The following ASXL2 variants were observed in gnomAD, a reference collection of about 807,000 sequenced individuals.
The protein encoded by ASXL2 is ASXL transcriptional regulator 2.
In ASXL2, 23 loss-of-function variants were observed where a neutral mutation model predicts 122.0. That is an observed-to-expected ratio of 0.19 (90% confidence interval 0.14 to 0.27). ASXL2 has a LOEUF of 0.27. Ranked by LOEUF, ASXL2 falls within the 10% of genes least tolerant of loss-of-function variation. The probability of loss-of-function intolerance (pLI) is 1.00; values close to 1 mark genes in which losing one functional copy is unlikely to be tolerated. For missense variants in ASXL2, 1,518 were observed against 1,713.8 expected (o/e 0.89, Z 2.02); for synonymous variants, 650 against 637.0 (o/e 1.02, Z -0.31).
At chr2:25,866,769 G>A (rs1455876107) in intron 1 of ASXL2, among the ~76,000 whole-genome samples, 1 of 152,110 alleles carries the variant, frequency 6.6e-6, no homozygotes, top group Non-Finnish European at 1.5e-5. Flanking sequence ...GTCTTGCTCT[G>A]TTGCCCAGGC....
chr2:25,845,618 CTATA>C (rs991814714), intron 1 of ASXL2, 55 bp from the exon 2 acceptor site: 2 of 789,846 alleles, frequency 2.5e-6, no homozygotes, highest in Admixed American at 4.1e-5. Context: ...TATTATAATT[CTATA>C]TATATTTCTT....
At chr2:25,747,515 G>T (rs1440585312) in intron 12 of ASXL2, among the ~76,000 whole-genome samples, 1 of 152,028 alleles carries the variant, frequency 6.6e-6, no homozygotes, top group Non-Finnish European at 1.5e-5. Context: ...GAAAGGAAAA[G>T]AACTGAAAAA....
At chr2:25,810,792 G>A (rs892264916) in intron 3 of ASXL2, 3 of 515,598 alleles carry the variant, frequency 5.8e-6, no homozygotes, top group South Asian at 3.5e-5. Flanking sequence ...TAAGTCACAA[G>A]AAGCTGAAAA....
intron 3 of ASXL2, among the ~76,000 whole-genome samples, chr2:25,807,947 C>A (rs1378301471): frequency 2.0e-5 from 3 of 147,398 alleles, no homozygotes; most frequent in Non-Finnish European, 4.5e-5. Context: ...CATGCCCAGC[C>A]CGGGGGTAAA....
chr2:25,787,528 C>T (rs78001485), intron 5 of ASXL2, among the ~76,000 whole-genome samples: 55 of 152,270 alleles, frequency 3.6e-4, no homozygotes, highest in Non-Finnish European at 6.5e-4. Flanking sequence ...AGAGGCTAAT[C>T]GCTTTGTTTA....
chr2:25,765,722 C>A (rs2088336048), intron 8 of ASXL2, among the ~76,000 whole-genome samples: 1 of 152,088 alleles, frequency 6.6e-6, no homozygotes. Flanking sequence ...CTCTACATTT[C>A]TTTTGCAATT....
At chr2:25,789,915 C>T (rs901734849) in intron 5 of ASXL2, among the ~76,000 whole-genome samples, 3 of 152,040 alleles carry the variant, frequency 2.0e-5, no homozygotes, top group Admixed American at 1.3e-4. Context: ...GGACCAGTAG[C>T]GATTTGGAGA....
At chr2:25,869,870 C>T (rs1467814040) in intron 1 of ASXL2, among the ~76,000 whole-genome samples, 3 of 148,094 alleles carry the variant, frequency 2.0e-5, no homozygotes, top group Non-Finnish European at 3.0e-5. Context: ...AATCAGGGAC[C>T]GATTTTTTTT....
chr2:25,815,379 A>G (rs904665656), intron 3 of ASXL2, among the ~76,000 whole-genome samples: 5 of 151,972 alleles, frequency 3.3e-5, no homozygotes, highest in Admixed American at 6.6e-5. Context: ...TCTGCTTGCA[A>G]TGATAACCCT....
Position 25,750,103 on chromosome 2 carries a change from C to T in ASXL2, c.1453G>A (p.Asp485Asn), listed in dbSNP as rs757806189. 2 of 1,613,922 alleles carry T rather than the reference C, an allele frequency of 1.2e-6. No homozygotes were observed. The highest frequency in any genetic ancestry group is 1.7e-6 in the Non-Finnish European group (2 of 1,179,876). Residue 485 changes from aspartate to asparagine, a missense_variant, in exon 12 of 13, where the codon GAT becomes AAT. Around this residue, in one of 8 missense-constraint regions of ASXL2, gnomAD observed 292 missense variants for 293.5 expected, o/e 1.00. Transcript: ENST00000435504. The stretch of plus-strand genomic sequence containing the variant: ...GGCTTCTGCTCCAAGAGATCCTCAT[C>T]CTTTGGGCACTTGATGGGAAGAATG... ...SSILPIKCPK[D>N]EDLLEQKPVT...
chr2:25,815,724 G>GA (rs1401985058), intron 3 of ASXL2, among the ~76,000 whole-genome samples: 1 of 152,170 alleles, frequency 6.6e-6, no homozygotes, highest in Non-Finnish European at 1.5e-5. Flanking sequence ...GCAGAGCTGA[G>GA]ATACTGATGA....
In ASXL2 at chr2:25,749,741, G is replaced by A. The variant is rs770214149; in HGVS notation, c.1815C>T (p.Leu605=). The change falls in exon 12 of 13, where the codon CTC becomes CTT. Residue 605 remains leucine, a synonymous_variant. Transcript: ENST00000435504. Reference sequence around the variant, plus strand: ...GCACCTGGATTCTGTCCCCTCTATTGAGAAAGGGCTGTGGTGAGACCTGAA... The same window carrying A: ...GCACCTGGATTCTGTCCCCTCTATTAAGAAAGGGCTGTGGTGAGACCTGAA... ...QPFQVSPQPF[L]NRGDRIQVRK... The A allele has an allele frequency of 1.3e-6, 2 of 1,557,700 alleles. No individual in the cohort carries two copies. Among genetic ancestry groups the A allele is most frequent in the African/African-American group, 2.8e-5 (2 of 72,226 alleles).
chr2:25,767,559 T>C (rs756477534), intron 8 of ASXL2, 24 bp downstream of exon 8: 1 of 1,604,452 alleles, frequency 6.2e-7, no homozygotes, highest in Non-Finnish European at 8.5e-7. Context: ...CAATGAAAAC[T>C]GAAGTCTTTG....
intron 12 of ASXL2, among the ~76,000 whole-genome samples, chr2:25,745,027 A>T (rs2087918259): frequency 6.6e-6 from 1 of 151,846 alleles, no homozygotes; most frequent in Non-Finnish European, 1.5e-5. Flanking sequence ...ACAGCACTGG[A>T]AGGAAGACAA....
chr2:25,875,377 A>T (rs377614153), intron 1 of ASXL2, among the ~76,000 whole-genome samples: 23 of 152,116 alleles, frequency 1.5e-4, no homozygotes, highest in East Asian at 9.6e-4. Flanking sequence ...CTAGGACAGG[A>T]TGATCACTTG....
intron 10 of ASXL2, 133 bp from the exon 11 acceptor site, chr2:25,753,772 C>T: frequency 5.8e-6 from 4 of 686,656 alleles, no homozygotes; most frequent in Non-Finnish European, 9.9e-6. Context: ...CCTCAAACCT[C>T]CTCACTGTAA....
At position 25,741,662 on chromosome 2, in the gene ASXL2, A is replaced by G. The variant is rs890957798; in HGVS notation, c.*367T>C. The G allele has an allele frequency of 5.4e-5, 14 of 257,308 alleles. No individual in the cohort carries two copies. The highest frequency in any genetic ancestry group is 3.6e-4 in the South Asian group (3 of 8,416). 15.9% of individuals were successfully genotyped at this position (257,308 alleles called of 1,614,324 possible). ...GTCAGAAGGGAGACAGCTTCCTTTT[A>G]CCATGCCGGCATTAAACTTTTCTCA... On this transcript the variant is annotated 3_prime_UTR_variant, in exon 13 of 13. Coordinates refer to ENST00000435504, the MANE Select transcript of ASXL2 (RefSeq NM_018263.6).
chr2:25,748,083 C>T (rs1044793316), intron 12 of ASXL2, among the ~76,000 whole-genome samples: 1 of 152,068 alleles, frequency 6.6e-6, no homozygotes, highest in African/African-American at 2.4e-5. Flanking sequence ...GAGGCTGAGA[C>T]AGGAGAATCC....
rs1250867924 is a variant in ASXL2, at chr2:25,869,552, T to C, written c.57+8614A>G. Among the ~76,000 whole-genome samples the C allele has an allele frequency of 4.6e-5, 7 of 152,294 alleles. No individual in the cohort carries two copies. In the East Asian group the frequency reaches 1.3e-3, roughly 29 times the overall value. On this transcript the variant is annotated intron_variant, in intron 1 of 12. Transcript: ENST00000435504. ...AAAAGTATTTCACAGCCGGGTGCAG[T>C]GGCTCATGCCTGTAATCCCAGAACT...
Sources: gnomAD v4.1 joint callset for allele counts (sites outside exome capture counted in the v4.1 genomes callset) on GRCh38, gnomAD v4.1.1 for gene constraint, gnomAD v4.1.1 regional missense constraint, MANE v1.5 for transcripts, NCBI Gene and HGNC (gene_info 2026-07-23, HGNC 2026-07-21) for gene names.